Variants in VTI1A observed in about 807,000 individuals in gnomAD.
The protein encoded by VTI1A is vesicle transport through interaction with t-SNAREs 1A.
In VTI1A, 22 loss-of-function variants were observed where a neutral mutation model predicts 34.9. The ratio of observed to expected loss-of-function variants is 0.63; its 90% CI spans 0.45 to 0.90. The LOEUF is 0.90. VTI1A is among the 40% of genes least tolerant of loss of function. The pLI is 0.00. For synonymous variants in VTI1A, 87 were observed against 97.3 expected (o/e 0.89, Z 0.62); for missense variants, 268 against 275.6 (o/e 0.97, Z 0.20).
At chr10:112,808,487 G>T (rs975451017) in intron 7 of VTI1A, among the ~76,000 whole-genome samples, 1 of 151,964 alleles carries the variant, frequency 6.6e-6, no homozygotes, top group Non-Finnish European at 1.5e-5. Context: ...TCAGCTGGGC[G>T]TGGTGGCAGC....
the VTI1A span, among the ~76,000 whole-genome samples, chr10:112,846,142 C>T: frequency 4.0e-4 from 61 of 152,312 alleles, no homozygotes; most frequent in African/African-American, 1.4e-3. Flanking sequence ...CCAAAATAAG[C>T]GAGTCATCTT....
intron 3 of VTI1A, among the ~76,000 whole-genome samples, chr10:112,487,010 CTATCACTATTTAA>C (rs575355639): frequency 2.0e-5 from 3 of 152,222 alleles, no homozygotes; most frequent in African/African-American, 7.2e-5. Context: ...AATAGAGATA[CTATCACTATTTAA>C]AGGGAGAAGT....
intron 1 of VTI1A, among the ~76,000 whole-genome samples, chr10:112,454,460 G>C (rs141394645): frequency 1.8e-3 from 280 of 152,070 alleles, no homozygotes; most frequent in African/African-American, 6.5e-3. Context: ...AAACTAGCTG[G>C]GCATAGTGGC....
chr10:112,641,167 G>A (rs1196669187), intron 5 of VTI1A, among the ~76,000 whole-genome samples: 3 of 151,934 alleles, frequency 2.0e-5, no homozygotes, highest in Non-Finnish European at 4.4e-5. Context: ...AGCCCTATCT[G>A]AGCAGGCTTG....
At chr10:112,762,301 C>CA (rs1851494887) in intron 7 of VTI1A, among the ~76,000 whole-genome samples, 1 of 151,190 alleles carries the variant, frequency 6.6e-6, no homozygotes, top group Non-Finnish European at 1.5e-5. Flanking sequence ...CAAAAAAGAA[C>CA]AAAAAAAGTG....
At chr10:112,592,573 C>G (rs1051553347) in intron 5 of VTI1A, among the ~76,000 whole-genome samples, 5 of 152,214 alleles carry the variant, frequency 3.3e-5, no homozygotes, top group Admixed American at 1.3e-4. Flanking sequence ...TCATCTCTCC[C>G]TGACCAAATC....
At chr10:112,825,933 C>T in the VTI1A span, 1 of 152,182 alleles carries the variant, frequency 6.6e-6, no homozygotes, top group East Asian at 1.9e-4. Flanking sequence ...TGGTAAAAGT[C>T]ATGCTAATAA....
chr10:112,610,440 G>T (rs992141370), intron 5 of VTI1A, among the ~76,000 whole-genome samples: 3 of 152,058 alleles, frequency 2.0e-5, no homozygotes, highest in African/African-American at 4.8e-5. Context: ...ATTTGGAAAG[G>T]ATCTTTGAAA....
chr10:112,740,323 G>T (rs7916083), intron 7 of VTI1A, among the ~76,000 whole-genome samples: 150,170 of 152,284 alleles, frequency 0.99, 74,077 homozygotes, highest in East Asian at 1. Context: ...AGAGTCTTGC[G>T]CTGTCATCCA....
chr10:112,518,581 C>CTA (rs1208931745), intron 3 of VTI1A, among the ~76,000 whole-genome samples: 88 of 84,206 alleles, frequency 1.0e-3, no homozygotes, highest in African/African-American at 1.4e-3. Flanking sequence ...CTCTCTCTCT[C>CTA]TCTCTCTCTA....
intron 5 of VTI1A, among the ~76,000 whole-genome samples, chr10:112,576,896 C>T (rs1326774025): frequency 6.6e-6 from 1 of 152,038 alleles, no homozygotes; most frequent in South Asian, 2.1e-4. Flanking sequence ...TTTTATGAAA[C>T]AATACTTAGC....
intron 7 of VTI1A, among the ~76,000 whole-genome samples, chr10:112,682,543 A>G (rs941995443): frequency 6.6e-6 from 1 of 152,228 alleles, no homozygotes; most frequent in Admixed American, 6.5e-5. Flanking sequence ...AGAGAATGAA[A>G]CATACCACTT....
At chr10:112,547,798 G>A (rs1329603026) in intron 5 of VTI1A, among the ~76,000 whole-genome samples, 3 of 152,078 alleles carry the variant, frequency 2.0e-5, no homozygotes, top group Non-Finnish European at 2.9e-5. Flanking sequence ...AGATTATAGC[G>A]TTTTAATGAG....
At chr10:112,753,716 G>A (rs920116701) in intron 7 of VTI1A, among the ~76,000 whole-genome samples, 1 of 152,070 alleles carries the variant, frequency 6.6e-6, no homozygotes, top group Non-Finnish European at 1.5e-5. Flanking sequence ...AGTTGAAGTC[G>A]CCAGGAGCAG....
At chr10:112,632,126 C>T (rs1176742480) in intron 5 of VTI1A, among the ~76,000 whole-genome samples, 1 of 152,050 alleles carries the variant, frequency 6.6e-6, no homozygotes, top group African/African-American at 2.4e-5. Flanking sequence ...CATTTTGAAC[C>T]TTTGTTGGGG....
At chr10:112,774,826 C>T (rs764781385) in intron 7 of VTI1A, among the ~76,000 whole-genome samples, 21 of 152,098 alleles carry the variant, frequency 1.4e-4, no homozygotes, top group South Asian at 8.3e-4. Flanking sequence ...TGTGTGTGCA[C>T]GGAGAAGCCC....
At chr10:112,469,220 A>G (rs569878411) in intron 3 of VTI1A, among the ~76,000 whole-genome samples, 1 of 152,116 alleles carries the variant, frequency 6.6e-6, no homozygotes, top group East Asian at 1.9e-4. Flanking sequence ...CCTAGATTTT[A>G]TTGTTATTTT....
intron 4 of VTI1A, among the ~76,000 whole-genome samples, chr10:112,530,575 GACTTTTAATAAATCC>G (rs1850382733): frequency 1.3e-5 from 2 of 152,158 alleles, no homozygotes; most frequent in South Asian, 4.1e-4. Flanking sequence ...ATTGATCAGT[GACTTTTAATAAATCC>G]TAAATAGAAG....
chr10:112,666,567 AT>A (rs1847648323), intron 5 of VTI1A, among the ~76,000 whole-genome samples: 1 of 152,156 alleles, frequency 6.6e-6, no homozygotes, highest in Admixed American at 6.5e-5. Flanking sequence ...GGATTCAATG[AT>A]TCTTTGTTGA....
Sources: allele counts gnomAD v4.1 joint callset (sites outside exome capture counted in the v4.1 genomes callset), GRCh38; gene constraint gnomAD v4.1.1; transcripts MANE v1.5; gene names NCBI Gene and HGNC (gene_info 2026-07-23, HGNC 2026-07-21).